Variants in ISY1 observed in about 807,000 individuals in gnomAD.
ISY1 encodes the protein pre-mRNA-splicing factor ISY1 homolog.
Under a neutral mutation model 54.4 loss-of-function variants are expected in ISY1, and 12 were observed. The observed-to-expected ratio is 0.22, with a 90% confidence interval of 0.14 to 0.36. The LOEUF is 0.36. Among genes scored for constraint, ISY1 ranks in the 10% least tolerant of loss-of-function variants. ISY1 has a pLI of 1.00. For synonymous variants in ISY1, 96 were observed against 117.9 expected, an observed-to-expected ratio of 0.81 and a Z score of 1.20; for missense variants, 282 against 342.2, an observed-to-expected ratio of 0.82 and a Z score of 1.39.
At position 129,140,505 on chromosome 3, in the gene ISY1, G is replaced by A. The variant is rs770701981; in HGVS notation, c.301-20C>T. ...AACTTTCTTATTGGGAAGAAAAAAA[G>A]AGAAAATGGATCTGTTAGTTAGTTA... is the stretch of plus-strand genomic sequence containing the variant. On this transcript the variant is annotated intron_variant, in intron 6 of 10. Coordinates refer to ENST00000393295, the MANE Select transcript of ISY1 (RefSeq NM_020701.4). The A allele has an allele frequency of 1.3e-5, 20 of 1,586,438 alleles. No homozygotes were observed. Among genetic ancestry groups the A allele is most frequent in the Non-Finnish European group, 1.7e-5 (20 of 1,170,232 alleles).
chr3:129,142,874 G>T (rs1479001944), intron 6 of ISY1, among the ~76,000 whole-genome samples: 1 of 152,124 alleles, frequency 6.6e-6, no homozygotes, highest in Non-Finnish European at 1.5e-5. Context: ...GGCCAACATG[G>T]TGAAACCCTG....
rs1936190645 is a variant in ISY1, at chr3:129,129,922, G to C, written c.*159C>G. ...TGTACAAAACCTACCAGGAAGACCA[G>C]GGACAGACCCCTACCCTCCGGTCAA... On this transcript the variant is annotated 3_prime_UTR_variant, in exon 11 of 11. Transcript: ENST00000393295. 1 of 537,368 alleles carries C rather than the reference G, an allele frequency of 1.9e-6. No homozygotes were observed. Among genetic ancestry groups the C allele is most frequent in the African/African-American group, 1.9e-5 (1 of 52,138 alleles). 33.3% of individuals were successfully genotyped at this position (537,368 alleles called of 1,614,324 possible).
intron 7 of ISY1, among the ~76,000 whole-genome samples, chr3:129,138,824 AAAAGAAAG>A (rs556346242): frequency 0.072 from 10,841 of 150,994 alleles, 1,276 homozygotes; most frequent in African/African-American, 0.25. Flanking sequence ...CAAAAAAAAA[AAAAGAAAG>A]AAAGAAAGAA....
chr3:129,156,769 G>A lies in ISY1; in HGVS notation c.144+86C>T, dbSNP rs184547772. ...CAAAATTAGTATTTAAAAATACTTA[G>A]ACTTTTGGTCTAACAGTCATTTAGA... On this transcript the variant is annotated intron_variant, in intron 4 of 10. Coordinates refer to ENST00000393295, the MANE Select transcript of ISY1 (RefSeq NM_020701.4). The A allele has an allele frequency of 2.4e-5, 37 of 1,565,176 alleles. No individual in the cohort carries two copies. In the African/African-American group the frequency reaches 4.5e-4, roughly 19 times the overall value.
At position 129,158,538 on chromosome 3, in the gene ISY1, G is replaced by C; in HGVS notation, c.48C>G (p.Arg16=). ...CTTTTCCCTCTTCCAGCTGAGCCTG[G>C]CGAAATCTTGCTAAGGCCGTCCTAC... ...EKAMTALARF[R]QAQLEEGKVK... The change falls in exon 3 of 11, where the codon CGC becomes CGG. Residue 16 remains arginine (R), a synonymous_variant. Coordinates refer to ENST00000393295, the MANE Select transcript of ISY1 (RefSeq NM_020701.4). The C allele has an allele frequency of 6.2e-7, 1 of 1,613,960 alleles. No individual in the cohort carries two copies. The highest frequency in any genetic ancestry group is 8.5e-7 in the Non-Finnish European group (1 of 1,180,008).
intron 6 of ISY1, 25 bp downstream of exon 6, chr3:129,145,736 G>GC: frequency 3.1e-6 from 5 of 1,606,884 alleles, no homozygotes; most frequent in Non-Finnish European, 4.3e-6. Flanking sequence ...GACAAGACCC[G>GC]CCACTGGGGC....
intron 7 of ISY1, among the ~76,000 whole-genome samples, chr3:129,136,044 A>G (rs1936387805): frequency 6.6e-6 from 1 of 152,144 alleles, no homozygotes; most frequent in Non-Finnish European, 1.5e-5. Flanking sequence ...CAAAAAAGAT[A>G]CATGAGAAAG....
intron 5 of ISY1, among the ~76,000 whole-genome samples, chr3:129,155,665 G>C (rs759545483): frequency 7.9e-5 from 12 of 151,744 alleles, no homozygotes; most frequent in Non-Finnish European, 1.6e-4. Context: ...CAAATATTTA[G>C]GAATTTTTCA....
chr3:129,131,046 C>CA (rs1276170220), intron 9 of ISY1, among the ~76,000 whole-genome samples: 4 of 152,140 alleles, frequency 2.6e-5, no homozygotes, highest in Non-Finnish European at 5.9e-5. Flanking sequence ...TGAGTCAATA[C>CA]AAATTTCTAA....
intron 5 of ISY1, among the ~76,000 whole-genome samples, chr3:129,155,153 T>C (rs1346936607): frequency 6.6e-6 from 1 of 151,970 alleles, no homozygotes; most frequent in Non-Finnish European, 1.5e-5. Context: ...AGATCACTGA[T>C]TTGAAAACTT....
At chr3:129,133,582 T>C (rs942554971) in intron 9 of ISY1, among the ~76,000 whole-genome samples, 4 of 152,200 alleles carry the variant, frequency 2.6e-5, no homozygotes, top group African/African-American at 7.2e-5. Context: ...TAGTCCCAGC[T>C]ACTTGGGAGG....
In ISY1 at chr3:129,161,032, A is replaced by C. The variant is rs976398669; in HGVS notation, c.-57T>G. 7.2e-6 allele frequency: 11 copies of C among 1,534,794 alleles called. No homozygotes were observed. Among genetic ancestry groups the C allele is most frequent in the South Asian group, 1.2e-5 (1 of 83,730 alleles). ...GCGGCCCCTGTCCAAGAAACTCCAC[A>C]GGCCCAGAAGACGCCGACGCTCACA... On this transcript the variant is annotated 5_prime_UTR_variant, in exon 1 of 11. Coordinates refer to ENST00000393295, the MANE Select transcript of ISY1 (RefSeq NM_020701.4).
intron 1 of ISY1, among the ~76,000 whole-genome samples, chr3:129,160,541 C>T (rs962137785): frequency 6.6e-6 from 1 of 152,010 alleles, no homozygotes; most frequent in African/African-American, 2.4e-5. Context: ...AAAGACCCTA[C>T]CCTCGTGATG....
chr3:129,142,999 G>A (rs1368606362), intron 6 of ISY1, among the ~76,000 whole-genome samples: 3 of 152,288 alleles, frequency 2.0e-5, no homozygotes, highest in Non-Finnish European at 1.5e-5. Context: ...AGGTTGCAGT[G>A]AGTCGAAATC....
In ISY1 at chr3:129,140,534, AG is replaced by A. The variant is rs771184106; in HGVS notation, c.301-50del. ...AAATGGATCTGTTAGTTAGTTAGTT[AG>A]TTATTATTTATTTATTTATTTGAGG... is the stretch of plus-strand genomic sequence containing the variant. On this transcript the variant is annotated intron_variant, in intron 6 of 10. Transcript: ENST00000393295. 5.2e-6 allele frequency: 8 copies of A among 1,529,216 alleles called. No homozygotes were observed. The South Asian group carries it at 8.4e-5, about 16-fold the overall frequency. The allele number at this position is 1,529,216 out of a possible 1,614,324, so 94.7% of individuals were successfully genotyped here.
chr3:129,156,585 A>T, intron 5 of ISY1, 48 bp downstream of exon 5: 1 of 1,589,220 alleles, frequency 6.3e-7, no homozygotes, highest in South Asian at 1.1e-5. Flanking sequence ...CCTCAAGTCT[A>T]ATTGTGGATT....
In ISY1 at chr3:129,134,178, C is replaced by T; in HGVS notation, c.559G>A (p.Glu187Lys). Residue 187 changes from glutamate to lysine, a missense_variant, in exon 9 of 11, where the codon GAA becomes AAA. Transcript: ENST00000393295. ...GCCTCTCTCTCTGCTTTCCACTTTT[C>T]CACTAACTCGGCTCTGACTGAACAC... ...YEKKLRAELV[E>K]KWKAEREARL... 1 of 1,614,198 alleles carries T rather than the reference C, an allele frequency of 6.2e-7. No homozygotes were observed. The highest frequency in any genetic ancestry group is 8.5e-7 in the Non-Finnish European group (1 of 1,180,046).
chr3:129,154,470 C>T (rs1456106508), intron 5 of ISY1, among the ~76,000 whole-genome samples: 1 of 147,680 alleles, frequency 6.8e-6, no homozygotes, highest in African/African-American at 2.5e-5. Context: ...AAAAGGACCA[C>T]TTCTCTTAAG....
At chr3:129,151,141 T>TAAAA (rs1936955598) in intron 5 of ISY1, among the ~76,000 whole-genome samples, 1 of 146,412 alleles carries the variant, frequency 6.8e-6, no homozygotes, top group South Asian at 2.1e-4. Context: ...TATATATATA[T>TAAAA]ATAAATATAT....
Sources: allele counts gnomAD v4.1 joint callset (sites outside exome capture counted in the v4.1 genomes callset), GRCh38; gene constraint gnomAD v4.1.1; transcripts MANE v1.5; gene names NCBI Gene and HGNC (gene_info 2026-07-23, HGNC 2026-07-21).